The following SLC8A3 variants were observed in gnomAD, a reference collection of about 807,000 sequenced individuals.
SLC8A3 encodes sodium/calcium exchanger 3.
In SLC8A3, 37 loss-of-function variants were observed where a neutral mutation model predicts 65.4. The observed-to-expected ratio is 0.57, with a 90% CI of 0.44 to 0.74. SLC8A3 has a LOEUF of 0.74. Among genes scored for constraint, SLC8A3 ranks in the 30% least tolerant of loss-of-function variants. SLC8A3 has a pLI of 0.00. For synonymous variants in SLC8A3, 461 were observed against 444.5 expected (o/e 1.04, Z -0.47); for missense variants, 1,112 against 1,172.1 (o/e 0.95, Z 0.75).
chr14:70,167,186 C>T lies in SLC8A3; in HGVS notation c.1237G>A (p.Ala413Thr), dbSNP rs539485123. The change falls in exon 2 of 7, where the codon GCT becomes ACT. Residue 413 changes from alanine (A) to threonine (T), a missense_variant. Physicochemically the swap from Ala to Thr is moderately conservative, Grantham distance 58. Coordinates refer to ENST00000356921, the MANE Select transcript of SLC8A3 (RefSeq NM_182932.3). Reference protein sequence around the residue: ...CSYQCLENCGAVLLTVVRKGG... With the variant: ...CSYQCLENCGTVLLTVVRKGG... ...TTCCTCACCACTGTCAGGAGTACAGCCCCACAGTTCTCCAGGCACTGGTAA... is the reference window on the plus strand; with the variant it reads ...TTCCTCACCACTGTCAGGAGTACAGTCCCACAGTTCTCCAGGCACTGGTAA... 6.2e-7 allele frequency: 1 copy of T among 1,614,006 alleles called. No homozygotes were observed. The highest frequency in any genetic ancestry group is 2.2e-5 in the East Asian group (1 of 44,888).
intron 2 of SLC8A3, among the ~76,000 whole-genome samples, chr14:70,123,275 G>A (rs1023851489): frequency 6.6e-6 from 1 of 151,296 alleles, no homozygotes; most frequent in Non-Finnish European, 1.5e-5. Context: ...TACTCTCCAT[G>A]GTTAGAATTA....
intron 2 of SLC8A3, among the ~76,000 whole-genome samples, chr14:70,116,272 T>C (rs556487147): frequency 1.3e-5 from 2 of 152,008 alleles, no homozygotes; most frequent in South Asian, 2.1e-4. Flanking sequence ...TGGAACCAGA[T>C]ACTACACATA....
intron 1 of SLC8A3, among the ~76,000 whole-genome samples, chr14:70,177,036 C>T (rs1897951639): frequency 6.6e-6 from 1 of 152,210 alleles, no homozygotes; most frequent in Admixed American, 6.5e-5. Flanking sequence ...CTGACTTTCA[C>T]TGAATTATGC....
chr14:70,063,993 C>G, intron 2 of SLC8A3: 1 of 848,082 alleles, frequency 1.2e-6, no homozygotes, highest in South Asian at 1.5e-5. Flanking sequence ...AGCCAGCAGA[C>G]AAAAACGGGA....
At chr14:70,081,717 T>C (rs969825108) in intron 2 of SLC8A3, among the ~76,000 whole-genome samples, 5 of 152,176 alleles carry the variant, frequency 3.3e-5, no homozygotes, top group African/African-American at 1.2e-4. Context: ...AGGGGATGTT[T>C]ATCAGATGAA....
chr14:70,183,210 G>A (rs1882908280), intron 1 of SLC8A3, among the ~76,000 whole-genome samples: 1 of 152,178 alleles, frequency 6.6e-6, no homozygotes. Flanking sequence ...TATCAAGGCA[G>A]TAAATGCTAT....
At chr14:70,068,699 ATTTCTGC>A in intron 2 of SLC8A3, among the ~76,000 whole-genome samples, 1 of 151,750 alleles carries the variant, frequency 6.6e-6, no homozygotes, top group East Asian at 1.9e-4. Flanking sequence ...TTTCATTCTT[ATTTCTGC>A]TTTATTAACA....
At chr14:70,178,729 T>C (rs1402413591) in intron 1 of SLC8A3, among the ~76,000 whole-genome samples, 1 of 152,240 alleles carries the variant, frequency 6.6e-6, no homozygotes, top group Non-Finnish European at 1.5e-5. Flanking sequence ...TCTGCCTGGA[T>C]GCATTCTCAA....
intron 3 of SLC8A3, among the ~76,000 whole-genome samples, chr14:70,059,783 A>G (rs1410177477): frequency 6.6e-6 from 1 of 152,200 alleles, no homozygotes; most frequent in East Asian, 1.9e-4. Flanking sequence ...CCTGTCTGTC[A>G]GGGATCAGCA....
Position 70,161,554 on chromosome 14 carries a change from C to G in SLC8A3, c.1784+5085G>C, listed in dbSNP as rs1435604744. Among the ~76,000 whole-genome samples the G allele has an allele frequency of 2.6e-5, 4 of 152,172 alleles. No individual in the cohort carries two copies. In the East Asian group the frequency reaches 7.7e-4, roughly 29 times the overall value. Reference sequence around the variant, plus strand: ...CTAAAGAGAAGGAGGACTTTTGCTACTGCCACTGAAGGCAGAAGGAAAGAG... The same window carrying G: ...CTAAAGAGAAGGAGGACTTTTGCTAGTGCCACTGAAGGCAGAAGGAAAGAG... On this transcript the variant is annotated intron_variant, in intron 2 of 6. Coordinates refer to ENST00000356921, the MANE Select transcript of SLC8A3 (RefSeq NM_182932.3).
Position 70,045,686 on chromosome 14 carries a change from G to T in SLC8A3, c.*261C>A. On this transcript the variant is annotated 3_prime_UTR_variant, in exon 7 of 7. Transcript: ENST00000356921. ...GGGTCAGGGATATGAGGGGGAGATG[G>T]GGTGGAGGTGGATTTGTTGCTGTTG... 2.8e-6 allele frequency: 1 copy of T among 361,904 alleles called. No individual in the cohort carries two copies. The highest frequency in any genetic ancestry group is 4.1e-5 in the Admixed American group (1 of 24,454). 22.4% of individuals were successfully genotyped at this position (361,904 alleles called of 1,614,324 possible).
At chr14:70,066,990 G>C (rs907712141) in intron 2 of SLC8A3, among the ~76,000 whole-genome samples, 2 of 152,168 alleles carry the variant, frequency 1.3e-5, no homozygotes, top group African/African-American at 4.8e-5. Context: ...CATGCATCCT[G>C]TAATTGTAGT....
chr14:70,063,848 G>A (rs1036603251), intron 2 of SLC8A3: 12 of 1,608,322 alleles, frequency 7.5e-6, no homozygotes, highest in Non-Finnish European at 9.4e-6. Flanking sequence ...TATCCACCAT[G>A]CGGGGGCCCA....
At chr14:70,182,732 G>A (rs373466991) in intron 1 of SLC8A3, among the ~76,000 whole-genome samples, 1 of 152,212 alleles carries the variant, frequency 6.6e-6, no homozygotes, top group East Asian at 1.9e-4. Flanking sequence ...GTTTGTTGAA[G>A]GCATGATGGG....
rs367713968 is a variant in SLC8A3 at position 70,084,572 on chromosome 14, A to T, written c.1785-23633T>A. Reference sequence around the variant, plus strand: ...ACAGAACACTTAGCATTTTTCTCACATGCACACATTTTCAAAGTACTTTTC... The same window carrying T: ...ACAGAACACTTAGCATTTTTCTCACTTGCACACATTTTCAAAGTACTTTTC... On this transcript the variant is annotated intron_variant, in intron 2 of 6. Transcript: ENST00000356921. 5.3e-5 allele frequency among the ~76,000 whole-genome samples: 8 copies of T among 152,324 alleles called. No individual in the cohort carries two copies. The East Asian group carries it at 1.5e-3, about 29-fold the overall frequency.
chr14:70,122,944 C>A (rs547688493), intron 2 of SLC8A3, among the ~76,000 whole-genome samples: 1 of 151,684 alleles, frequency 6.6e-6, no homozygotes, highest in African/African-American at 2.4e-5. Flanking sequence ...CGGTGGCGGG[C>A]GCCTGTAGTC....
intron 2 of SLC8A3, among the ~76,000 whole-genome samples, chr14:70,065,418 C>T (rs1434760829): frequency 2.0e-5 from 3 of 152,142 alleles, no homozygotes; most frequent in African/African-American, 2.4e-5. Context: ...CATGGAAAAG[C>T]GTGGCTGGCT....
At chr14:70,069,595 G>A (rs1041187894) in intron 2 of SLC8A3, among the ~76,000 whole-genome samples, 5 of 151,926 alleles carry the variant, frequency 3.3e-5, no homozygotes, top group Admixed American at 2.0e-4. Context: ...TTATTTTTCC[G>A]GTTGGGTGTC....
rs960128246 is a variant in SLC8A3 at position 70,044,309 on chromosome 14, C to CTGT, written c.*1635_*1637dup. ...GTCAACATAGCTTATGACATGAGCA[C>CTGT]TGTTTCTTTTTTAATTATTTTTTTC... On this transcript the variant is annotated 3_prime_UTR_variant, in exon 7 of 7. Coordinates refer to ENST00000356921, the MANE Select transcript of SLC8A3 (RefSeq NM_182932.3). 8 of 151,802 alleles carry CTGT rather than the reference C, an allele frequency of 5.3e-5. No homozygotes were observed. Among genetic ancestry groups the CTGT allele is most frequent in the African/African-American group, 1.9e-4 (8 of 41,280 alleles). 9.4% of individuals were successfully genotyped at this position (151,802 alleles called of 1,614,324 possible).
Sources: gnomAD v4.1 joint callset for allele counts (sites outside exome capture counted in the v4.1 genomes callset) on GRCh38, gnomAD v4.1.1 for gene constraint, MANE v1.5 for transcripts, NCBI Gene and HGNC (gene_info 2026-07-23, HGNC 2026-07-21) for gene names.